Variants in THRB observed in about 807,000 individuals in gnomAD.
The protein encoded by THRB is thyroid hormone receptor beta.
Under a neutral mutation model 47.8 loss-of-function variants are expected in THRB, and 12 were observed. That is an observed-to-expected ratio of 0.25 (90% CI 0.16 to 0.41). The LOEUF is 0.41. Ranked by LOEUF, THRB falls within the 10% of genes least tolerant of loss-of-function variation. THRB has a pLI of 1.00. For missense variants in THRB, 348 were observed against 589.2 expected (o/e 0.59, Z 4.24); for synonymous variants, 218 against 212.2 (o/e 1.03, Z -0.24).
At chr3:24,293,042 T>C (rs905520723) in intron 3 of THRB, among the ~76,000 whole-genome samples, 2 of 152,128 alleles carry the variant, frequency 1.3e-5, no homozygotes, top group Admixed American at 6.5e-5. Context: ...CTCATAATTT[T>C]TTGCACCTGC....
At chr3:24,129,768 G>GCGT (rs1553611763) in intron 9 of THRB, among the ~76,000 whole-genome samples, 4 of 151,880 alleles carry the variant, frequency 2.6e-5, no homozygotes, top group Admixed American at 2.0e-4. Context: ...CCTTAGGAGA[G>GCGT]CATCACTCAG....
At chr3:24,201,992 G>C (rs1192044774) in intron 4 of THRB, among the ~76,000 whole-genome samples, 1 of 152,060 alleles carries the variant, frequency 6.6e-6, no homozygotes, top group Non-Finnish European at 1.5e-5. Flanking sequence ...TTTTGTATGA[G>C]GAACCTGGAG....
intron 3 of THRB, among the ~76,000 whole-genome samples, chr3:24,265,342 A>G (rs1311699103): frequency 1.3e-5 from 2 of 152,246 alleles, no homozygotes; most frequent in Admixed American, 6.5e-5. Context: ...TCAAGACATT[A>G]AAAGTGGTAT....
At chr3:24,324,255 G>C (rs1260403819) in intron 2 of THRB, among the ~76,000 whole-genome samples, 2 of 151,916 alleles carry the variant, frequency 1.3e-5, no homozygotes, top group African/African-American at 4.8e-5. Context: ...TGTCTTCTCT[G>C]TGGTGCTTTG....
At chr3:24,260,028 C>A (rs74414314) in intron 3 of THRB, among the ~76,000 whole-genome samples, 3,745 of 152,192 alleles carry the variant, frequency 0.025, 158 homozygotes, top group African/African-American at 0.085. Flanking sequence ...TAAAAAGAAA[C>A]CCCATACCTT....
intron 8 of THRB, among the ~76,000 whole-genome samples, chr3:24,139,179 G>A (rs2035096491): frequency 6.6e-6 from 1 of 152,104 alleles, no homozygotes; most frequent in Non-Finnish European, 1.5e-5. Flanking sequence ...GAGTAGATTG[G>A]AGAAAACTAG....
At chr3:24,336,290 C>A (rs1273444525) in intron 2 of THRB, among the ~76,000 whole-genome samples, 2 of 152,190 alleles carry the variant, frequency 1.3e-5, no homozygotes, top group Non-Finnish European at 2.9e-5. Context: ...CCACCCCAAC[C>A]CAGGCGCCTC....
At chr3:24,314,230 C>G (rs1022432554) in intron 2 of THRB, among the ~76,000 whole-genome samples, 1 of 152,160 alleles carries the variant, frequency 6.6e-6, no homozygotes, top group Non-Finnish European at 1.5e-5. Context: ...AAATCCAGGT[C>G]CTGGTGAATC....
At chr3:24,292,472 T>C (rs748555754) in intron 3 of THRB, among the ~76,000 whole-genome samples, 6 of 152,178 alleles carry the variant, frequency 3.9e-5, no homozygotes, top group Non-Finnish European at 7.3e-5. Context: ...TGAACTGAGA[T>C]GTAGGTGCTG....
At chr3:24,295,299 C>T (rs980622111) in intron 3 of THRB, among the ~76,000 whole-genome samples, 3 of 152,118 alleles carry the variant, frequency 2.0e-5, no homozygotes, top group Admixed American at 6.6e-5. Flanking sequence ...ATGTATACTT[C>T]GAAGATGCAA....
intron 3 of THRB, among the ~76,000 whole-genome samples, chr3:24,250,328 C>T (rs933634485): frequency 3.3e-5 from 5 of 152,142 alleles, no homozygotes; most frequent in Admixed American, 2.0e-4. Context: ...GTTTCAGTCT[C>T]CATCTGCCTT....
chr3:24,417,032 G>A (rs973642600), intron 1 of THRB, among the ~76,000 whole-genome samples: 11 of 151,720 alleles, frequency 7.3e-5, no homozygotes, highest in African/African-American at 2.7e-4. Context: ...TCAAAAGGCA[G>A]CTTTTAAATA....
chr3:24,141,924 A>G (rs2035502143), intron 8 of THRB, among the ~76,000 whole-genome samples: 1 of 152,194 alleles, frequency 6.6e-6, no homozygotes, highest in Admixed American at 6.5e-5. Context: ...CTATGCCCCA[A>G]GTGTACTGTG....
intron 3 of THRB, among the ~76,000 whole-genome samples, chr3:24,263,614 A>C (rs1413685775): frequency 1.4e-5 from 2 of 147,276 alleles, no homozygotes; most frequent in Non-Finnish European, 3.0e-5. Flanking sequence ...TTGGGGTTAC[A>C]GGCCTTTTTT....
At chr3:24,349,701 G>T (rs999487823) in intron 1 of THRB, among the ~76,000 whole-genome samples, 1 of 151,994 alleles carries the variant, frequency 6.6e-6, no homozygotes, top group Non-Finnish European at 1.5e-5. Flanking sequence ...ATCCCAGGTG[G>T]GTTGCTGGTA....
intron 1 of THRB, among the ~76,000 whole-genome samples, chr3:24,488,083 C>G (rs1404597016): frequency 1.3e-5 from 2 of 152,180 alleles, no homozygotes; most frequent in Non-Finnish European, 2.9e-5. Context: ...GTCAACATTC[C>G]TCATCACAAA....
chr3:24,357,081 A>ATTAT (rs780826999), intron 1 of THRB, among the ~76,000 whole-genome samples: 73 of 151,732 alleles, frequency 4.8e-4, no homozygotes, highest in Non-Finnish European at 9.4e-4. Context: ...AAAGGCTCTT[A>ATTAT]TTTATGGTGA....
intron 2 of THRB, among the ~76,000 whole-genome samples, chr3:24,334,151 G>A (rs1226009620): frequency 6.6e-6 from 1 of 152,186 alleles, no homozygotes; most frequent in African/African-American, 2.4e-5. Flanking sequence ...GGCAAGGAAA[G>A]TGCTTTTTAG....
At chr3:24,187,957 C>G (rs1010489461) in intron 5 of THRB, among the ~76,000 whole-genome samples, 1 of 152,080 alleles carries the variant, frequency 6.6e-6, no homozygotes, top group African/African-American at 2.4e-5. Flanking sequence ...CAAGGTGGAC[C>G]CTGGTGGTTA....
Sources: allele counts gnomAD v4.1 joint callset (sites outside exome capture counted in the v4.1 genomes callset), GRCh38; gene constraint gnomAD v4.1.1; transcripts MANE v1.5; gene names NCBI Gene and HGNC (gene_info 2026-07-23, HGNC 2026-07-21).